RGS3: variants seen among roughly 807,000 people sequenced by gnomAD.
RGS3 encodes the protein regulator of G protein signaling 3, also known as regulator of G-protein signalling 3.
In RGS3, 80 loss-of-function variants were observed where a neutral mutation model predicts 132.6. The ratio of observed to expected loss-of-function variants is 0.60; its 90% confidence interval spans 0.50 to 0.73. RGS3 has a LOEUF of 0.73. Among genes scored for constraint, RGS3 ranks in the 30% least tolerant of loss-of-function variants. The probability of loss-of-function intolerance (pLI) is 0.00; values close to 1 mark genes in which losing one functional copy is unlikely to be tolerated. For synonymous variants in RGS3, 598 were observed against 620.6 expected, an observed-to-expected ratio of 0.96 and a Z score of 0.54; for missense variants, 1,382 against 1,530.8, an observed-to-expected ratio of 0.90 and a Z score of 1.62.
chr9:113,497,917 CTGGGCAGCCCCA>C, intron 9 of RGS3, 96 bp from the exon 8 acceptor site: 1 of 1,120,506 alleles, frequency 8.9e-7, no homozygotes, highest in Non-Finnish European at 1.3e-6. Flanking sequence ...AGGAGTGGCC[CTGGGCAGCCCCA>C]TGGGCCTGTT....
At chr9:113,482,792 A>G (rs1830206003) in intron 4 of RGS3, among the ~76,000 whole-genome samples, 1 of 152,190 alleles carries the variant, frequency 6.6e-6, no homozygotes, top group Non-Finnish European at 1.5e-5. Context: ...AGGGAATTGA[A>G]TGTACCTCGT....
At chr9:113,501,124 C>T (rs7023661) in intron 10 of RGS3, among the ~76,000 whole-genome samples, 18,002 of 152,102 alleles carry the variant, frequency 0.12, 1,270 homozygotes, top group African/African-American at 0.19. Flanking sequence ...TAGGCTGGGG[C>T]AGTCTCCTGG....
intron 3 of RGS3, among the ~76,000 whole-genome samples, chr9:113,475,752 A>AT (rs1416733760): frequency 1.3e-5 from 2 of 151,718 alleles, no homozygotes; most frequent in Non-Finnish European, 2.9e-5. Context: ...AGAACAATAC[A>AT]TAGGGTATGT....
intron 20 of RGS3, among the ~76,000 whole-genome samples, chr9:113,590,471 CCCAT>C (rs1454531855): frequency 6.9e-6 from 1 of 145,356 alleles, no homozygotes; most frequent in Non-Finnish European, 1.5e-5. Context: ...CATCCATCCA[CCCAT>C]CCATCCATCT....
At chr9:113,483,697 T>C (rs1054432329) in intron 5 of RGS3, among the ~76,000 whole-genome samples, 2 of 152,174 alleles carry the variant, frequency 1.3e-5, no homozygotes, top group Admixed American at 1.3e-4. Context: ...GCAAGGAATT[T>C]ATCAGGAGCA....
exon 1 of RGS3, chr9:113,460,301 G>A (rs141143019): frequency 0.01 from 4,862 of 482,738 alleles, 73 homozygotes; most frequent in Admixed American, 0.06. Flanking sequence ...TGGGCAGATC[G>A]CAAGGTCAGG....
intron 19 of RGS3, among the ~76,000 whole-genome samples, chr9:113,575,782 C>T (rs1395792666): frequency 2.0e-5 from 3 of 152,184 alleles, no homozygotes; most frequent in Admixed American, 1.3e-4. Context: ...GACTGTGATG[C>T]AGTAGGTCTT....
upstream of RGS3, among the ~76,000 whole-genome samples, chr9:113,458,192 C>T (rs1196165300): frequency 6.6e-6 from 1 of 152,244 alleles, no homozygotes. Context: ...CCTGGGATTA[C>T]AGGCGTGAGC....
intron 19 of RGS3, among the ~76,000 whole-genome samples, chr9:113,558,842 ACAAT>A (rs1833672701): frequency 6.6e-6 from 1 of 152,226 alleles, no homozygotes; most frequent in African/African-American, 2.4e-5. Flanking sequence ...TTCTTTAAAC[ACAAT>A]CAATCTTGCT....
intron 24 of RGS3, 40 bp downstream of exon 22, chr9:113,595,805 A>G: frequency 6.3e-7 from 1 of 1,598,408 alleles, no homozygotes; most frequent in Non-Finnish European, 8.6e-7. Context: ...TCCAATCCCC[A>G]GGGCCCAGTG....
At chr9:113,545,505 T>G (rs1411315734) in intron 19 of RGS3, among the ~76,000 whole-genome samples, 1 of 152,244 alleles carries the variant, frequency 6.6e-6, no homozygotes, top group Non-Finnish European at 1.5e-5. Context: ...GCTGCTGTCC[T>G]ATCAGTGGAC....
At chr9:113,482,489 C>T (rs1005238959) in intron 4 of RGS3, among the ~76,000 whole-genome samples, 10 of 152,354 alleles carry the variant, frequency 6.6e-5, no homozygotes, top group African/African-American at 2.4e-4. Flanking sequence ...GCTTGTGACT[C>T]CTGTGCTGTG....
chr9:113,525,228 G>T (rs1360096656), intron 17 of RGS3, among the ~76,000 whole-genome samples: 1 of 152,158 alleles, frequency 6.6e-6, no homozygotes, highest in East Asian at 1.9e-4. Flanking sequence ...TGCTGAGAGG[G>T]ATGGAAATGG....
intron 3 of RGS3, among the ~76,000 whole-genome samples, chr9:113,462,429 T>C (rs987690535): frequency 6.6e-6 from 1 of 152,234 alleles, no homozygotes; most frequent in African/African-American, 2.4e-5. Flanking sequence ...CTTCTGCAGT[T>C]TCTGCTCCTC....
chr9:113,534,883 C>G (rs1195837792), intron 18 of RGS3, among the ~76,000 whole-genome samples: 3 of 152,120 alleles, frequency 2.0e-5, no homozygotes, highest in Non-Finnish European at 4.4e-5. Context: ...TCCCAAAATG[C>G]TGGTTTACAG....
At chr9:113,505,037 C>T (rs2119317317) in intron 10 of RGS3, 1 of 198,798 alleles carries the variant, frequency 5.0e-6, no homozygotes, top group Non-Finnish European at 1.1e-5. Flanking sequence ...CAGGCTAACG[C>T]TCTGTGAACC....
chr9:113,459,590 A>C (rs1023895277), upstream of RGS3, among the ~76,000 whole-genome samples: 21 of 152,104 alleles, frequency 1.4e-4, no homozygotes, highest in Non-Finnish European at 7.4e-5. Flanking sequence ...TCTCTACTAA[A>C]AATACAAAAA....
exon 20 of RGS3, chr9:113,584,347 C>T (rs753184463): frequency 6.3e-7 from 1 of 1,582,748 alleles, no homozygotes. Context: ...CATGCCTTCG[C>T]CCAGCACCCT....
intron 3 of RGS3, among the ~76,000 whole-genome samples, chr9:113,472,003 G>T (rs531357458): frequency 3.9e-5 from 6 of 152,100 alleles, no homozygotes; most frequent in Non-Finnish European, 8.8e-5. Context: ...AAGAAAAATG[G>T]CTAACAGCAT....
Sources: allele counts gnomAD v4.1 joint callset (sites outside exome capture counted in the v4.1 genomes callset), GRCh38; gene constraint gnomAD v4.1.1; transcripts MANE v1.5; gene names NCBI Gene and HGNC (gene_info 2026-07-23, HGNC 2026-07-21).